The following KCMF1 variants were observed in gnomAD, a reference collection of about 807,000 sequenced individuals.
The protein encoded by KCMF1 is potassium channel modulatory factor 1.
KCMF1 carries 3 observed loss-of-function variants against 41.1 expected under a neutral mutation model. That is an observed-to-expected ratio of 0.07 (90% CI 0.03 to 0.19). The LOEUF is 0.19. Among genes scored for constraint, KCMF1 ranks in the 10% least tolerant of loss-of-function variants. KCMF1 has a pLI of 1.00. For synonymous variants in KCMF1, 142 were observed against 164.5 expected (o/e 0.86, Z 1.04); for missense variants, 286 against 488.9 (o/e 0.58, Z 3.91).
At chr2:85,036,223 T>G (rs1176004215) in intron 3 of KCMF1, among the ~76,000 whole-genome samples, 1 of 152,250 alleles carries the variant, frequency 6.6e-6, no homozygotes, top group East Asian at 1.9e-4. Context: ...TTTTGCTGTC[T>G]TAACAGCTCA....
At chr2:85,025,866 CTCTA>C (rs535906745) in intron 1 of KCMF1, among the ~76,000 whole-genome samples, 45 of 152,174 alleles carry the variant, frequency 3.0e-4, no homozygotes, top group African/African-American at 7.7e-4. Context: ...TTTAGGAGGT[CTCTA>C]TCTAACAGCT....
At chr2:85,045,863 A>C (rs1441773869) in intron 4 of KCMF1, among the ~76,000 whole-genome samples, 1 of 152,134 alleles carries the variant, frequency 6.6e-6, no homozygotes, top group Admixed American at 6.5e-5. Context: ...CTATATAGAG[A>C]AACTTTTTTA....
At chr2:84,978,555 G>GT (rs976295403) in intron 1 of KCMF1, among the ~76,000 whole-genome samples, 43 of 148,356 alleles carry the variant, frequency 2.9e-4, no homozygotes, top group African/African-American at 9.2e-4. Flanking sequence ...ATGTATTTGG[G>GT]TTTTTTTTTG....
At chr2:84,979,063 G>A (rs576172546) in intron 1 of KCMF1, among the ~76,000 whole-genome samples, 10 of 151,858 alleles carry the variant, frequency 6.6e-5, no homozygotes, top group African/African-American at 2.2e-4. Flanking sequence ...GGCCAGGCTC[G>A]TCTCGAACTC....
chr2:84,987,732 C>G (rs1673940388), intron 1 of KCMF1, among the ~76,000 whole-genome samples: 1 of 152,024 alleles, frequency 6.6e-6, no homozygotes, highest in Admixed American at 6.6e-5. Flanking sequence ...TGGGGATAGG[C>G]TAGATTTCTA....
chr2:85,048,045 A>G (rs193274578), intron 5 of KCMF1, among the ~76,000 whole-genome samples: 11 of 152,298 alleles, frequency 7.2e-5, no homozygotes, highest in Admixed American at 2.0e-4. Context: ...ATGTATGACA[A>G]ACCCTCGTGG....
At chr2:85,016,797 A>T (rs1674780051) in intron 1 of KCMF1, among the ~76,000 whole-genome samples, 1 of 150,928 alleles carries the variant, frequency 6.6e-6, no homozygotes, top group Admixed American at 6.6e-5. Flanking sequence ...GATTCAAGTG[A>T]TTCTGCCTCA....
At chr2:85,046,931 A>C (rs1038096874) in intron 5 of KCMF1, among the ~76,000 whole-genome samples, 2 of 152,164 alleles carry the variant, frequency 1.3e-5, no homozygotes, top group Non-Finnish European at 2.9e-5. Context: ...TTCATAGTAT[A>C]TTTTTAGATT....
chr2:85,026,945 A>G (rs1291585565), intron 1 of KCMF1, among the ~76,000 whole-genome samples: 2 of 152,172 alleles, frequency 1.3e-5, no homozygotes, highest in Non-Finnish European at 2.9e-5. Flanking sequence ...ATGTTTATAT[A>G]TGCCAGATGC....
intron 1 of KCMF1, among the ~76,000 whole-genome samples, chr2:85,021,349 C>A (rs1316714735): frequency 1.3e-5 from 2 of 152,176 alleles, no homozygotes; most frequent in African/African-American, 4.8e-5. Flanking sequence ...TGCAGCCGGG[C>A]GCGGTGGCTC....
intron 1 of KCMF1, among the ~76,000 whole-genome samples, chr2:85,001,357 C>T (rs953411661): frequency 7.9e-5 from 12 of 151,906 alleles, no homozygotes; most frequent in Admixed American, 3.9e-4. Flanking sequence ...CAGGGTCTCA[C>T]CATGTTGGCC....
chr2:85,053,538 A>G lies in KCMF1; in HGVS notation c.*129A>G. 2 of 940,890 alleles carry G rather than the reference A, an allele frequency of 2.1e-6. No homozygotes were observed. Among genetic ancestry groups the G allele is most frequent in the Non-Finnish European group, 3.1e-6 (2 of 639,546 alleles). The allele number at this position is 940,890 out of a possible 1,614,324, so 58.3% of individuals were successfully genotyped here. A position where few individuals can be genotyped will look rare whatever the true frequency, so the allele number is the denominator to read the frequency against. On this transcript the variant is annotated 3_prime_UTR_variant, in exon 7 of 7. Transcript: ENST00000409785. ...ACTCTTGTTACATTGTGTACATTCA[A>G]AAGGAAGAGAGAAAATATATATGAT...
intron 1 of KCMF1, among the ~76,000 whole-genome samples, chr2:84,978,244 G>A (rs1454579986): frequency 1.3e-5 from 2 of 151,986 alleles, no homozygotes; most frequent in Admixed American, 6.6e-5. Flanking sequence ...TCATCCACCC[G>A]CCTCGGCCTC....
Position 84,998,917 on chromosome 2 carries a change from CCTATCTAT to C in KCMF1, c.16+27493_16+27500del, listed in dbSNP as rs4019937. Reference sequence around the variant, plus strand: ...ATGACCCACTGTGCTGGGCCTCTTACCTATCTATCTATCTATCTATCTATCTATCTATC... The same window carrying C: ...ATGACCCACTGTGCTGGGCCTCTTACCTATCTATCTATCTATCTATCTATC... On this transcript the variant is annotated intron_variant, in intron 1 of 6. Transcript: ENST00000409785. Among the ~76,000 whole-genome samples the C allele has an allele frequency of 3.3e-3, 316 of 96,146 alleles. 1 individual carries two copies. The highest frequency in any genetic ancestry group is 5.1e-3 in the Non-Finnish European group (270 of 52,452). The allele number at this position is 96,146 out of a possible 152,430, so 63.1% of individuals were successfully genotyped here.
intron 1 of KCMF1, among the ~76,000 whole-genome samples, chr2:85,007,314 G>A (rs1244685836): frequency 2.0e-5 from 3 of 152,186 alleles, no homozygotes; most frequent in Non-Finnish European, 2.9e-5. Context: ...GCACTATTAG[G>A]TGGAAGCCCT....
chr2:84,995,657 T>A (rs905384966), intron 1 of KCMF1, among the ~76,000 whole-genome samples: 1 of 152,186 alleles, frequency 6.6e-6, no homozygotes, highest in Non-Finnish European at 1.5e-5. Context: ...AGAATTCTTT[T>A]ATAAAGAATT....
chr2:85,028,996 G>T (rs1403087336), intron 2 of KCMF1, among the ~76,000 whole-genome samples: 1 of 152,002 alleles, frequency 6.6e-6, no homozygotes, highest in Non-Finnish European at 1.5e-5. Flanking sequence ...TTAAGACAGA[G>T]TCTCACTCTG....
chr2:85,012,793 C>T (rs575514482), intron 1 of KCMF1, among the ~76,000 whole-genome samples: 72 of 152,034 alleles, frequency 4.7e-4, no homozygotes, highest in Non-Finnish European at 6.8e-4. Flanking sequence ...TTTTAAAATC[C>T]GTGAAGAAAC....
At chr2:85,047,360 C>T (rs998040544) in intron 5 of KCMF1, among the ~76,000 whole-genome samples, 1 of 152,132 alleles carries the variant, frequency 6.6e-6, no homozygotes, top group African/African-American at 2.4e-5. Context: ...AAAATTCTGT[C>T]ACAGATTTAT....
Sources: gnomAD v4.1 joint callset for allele counts (sites outside exome capture counted in the v4.1 genomes callset) on GRCh38, gnomAD v4.1.1 for gene constraint, MANE v1.5 for transcripts, NCBI Gene and HGNC (gene_info 2026-07-23, HGNC 2026-07-21) for gene names.